The following RASEF variants were observed in gnomAD, a reference collection of about 807,000 sequenced individuals.
RASEF encodes the protein RAS and EF-hand domain containing.
In RASEF, 68 loss-of-function variants were observed where a neutral mutation model predicts 90.1. That is an observed-to-expected ratio of 0.75 (90% confidence interval 0.62 to 0.92). The LOEUF (loss-of-function observed/expected upper bound fraction) is 0.92, where lower values mean the gene tolerates loss of function less well. RASEF is among the 40% of genes least tolerant of loss of function. The pLI is 0.00. For missense variants in RASEF, 949 were observed against 937.2 expected, an observed-to-expected ratio of 1.01 and a Z score of -0.16; for synonymous variants, 331 against 345.2, an observed-to-expected ratio of 0.96 and a Z score of 0.46.
At chr9:83,005,565 A>T in intron 7 of RASEF, 65 bp from the exon 8 acceptor site, 1 of 1,194,876 alleles carries the variant, frequency 8.4e-7, no homozygotes, top group Non-Finnish European at 1.3e-6. Flanking sequence ...CACTGTCATC[A>T]CTTTCTTTTC....
chr9:83,167,725 T>C, the RASEF span, among the ~76,000 whole-genome samples: 3 of 152,154 alleles, frequency 2.0e-5, no homozygotes, highest in African/African-American at 4.8e-5. Flanking sequence ...TTTCTGTCTA[T>C]ACAAATTTGC....
the RASEF span, among the ~76,000 whole-genome samples, chr9:83,132,195 A>G: frequency 6.6e-6 from 1 of 152,182 alleles, no homozygotes; most frequent in Non-Finnish European, 1.5e-5. Context: ...CATAAGAGTC[A>G]TGGCATCTTC....
the RASEF span, among the ~76,000 whole-genome samples, chr9:83,157,485 A>G: frequency 6.6e-6 from 1 of 152,118 alleles, no homozygotes; most frequent in Non-Finnish European, 1.5e-5. Context: ...GCCCTTTGTC[A>G]TGTTATAACA....
intron 1 of RASEF, 84 bp downstream of exon 1, chr9:83,062,353 T>C (rs1051135590): frequency 2.3e-5 from 30 of 1,328,118 alleles, no homozygotes; most frequent in East Asian, 1.5e-4. Context: ...GGGGGGGCCA[T>C]TGGGTCTGCA....
intron 1 of RASEF, among the ~76,000 whole-genome samples, chr9:83,031,639 T>C (rs577301275): frequency 3.3e-5 from 5 of 152,262 alleles, no homozygotes; most frequent in Admixed American, 2.0e-4. Context: ...GGGTCTTAAG[T>C]ACATACCTCC....
the RASEF span, among the ~76,000 whole-genome samples, chr9:83,093,451 C>A: frequency 2.0e-5 from 3 of 152,370 alleles, no homozygotes; most frequent in Middle Eastern, 3.4e-3. Flanking sequence ...CGCGGGAAGG[C>A]AGCTAAGGCC....
At chr9:83,162,867 C>G in the RASEF span, among the ~76,000 whole-genome samples, 3 of 152,206 alleles carry the variant, frequency 2.0e-5, no homozygotes, top group Non-Finnish European at 4.4e-5. Flanking sequence ...GGGACCCAGT[C>G]AAAGGGGAGC....
chr9:83,159,227 A>G, the RASEF span, among the ~76,000 whole-genome samples: 20 of 152,008 alleles, frequency 1.3e-4, no homozygotes, highest in African/African-American at 4.8e-4. Context: ...AAGGCAGAAT[A>G]TACTTGCTCT....
At chr9:83,202,697 C>T in the RASEF span, among the ~76,000 whole-genome samples, 1 of 152,016 alleles carries the variant, frequency 6.6e-6, no homozygotes, top group Admixed American at 6.6e-5. Context: ...GGGGTCTTGC[C>T]ATGTTGGCCA....
chr9:83,160,830 G>A, the RASEF span, among the ~76,000 whole-genome samples: 1 of 152,194 alleles, frequency 6.6e-6, no homozygotes, highest in South Asian at 2.1e-4. Flanking sequence ...GGTGCCCTGT[G>A]TCCCAGCTGC....
At chr9:83,008,891 CATATATATATATAT>C (rs56810511) in intron 6 of RASEF, among the ~76,000 whole-genome samples, 113 of 19,564 alleles carry the variant, frequency 5.8e-3, no homozygotes, top group Middle Eastern at 0.05. Context: ...AAGTTCTCAT[CATATATATATATAT>C]ATATATATAT....
chr9:83,182,444 C>T, the RASEF span, among the ~76,000 whole-genome samples: 2 of 152,154 alleles, frequency 1.3e-5, no homozygotes, highest in African/African-American at 4.8e-5. Flanking sequence ...TTGGTAGTTT[C>T]CCACACACAT....
the RASEF span, among the ~76,000 whole-genome samples, chr9:83,120,180 G>C: frequency 6.6e-6 from 1 of 152,196 alleles, no homozygotes; most frequent in South Asian, 2.1e-4. Flanking sequence ...CAGTCAGAGA[G>C]GAAGATGGAA....
chr9:83,174,987 C>T, the RASEF span, among the ~76,000 whole-genome samples: 3 of 151,948 alleles, frequency 2.0e-5, no homozygotes, highest in East Asian at 5.8e-4. Flanking sequence ...CCTTGGAAAA[C>T]TCATTTATTA....
the RASEF span, among the ~76,000 whole-genome samples, chr9:83,166,124 G>A: frequency 1.3e-5 from 2 of 152,176 alleles, no homozygotes; most frequent in African/African-American, 4.8e-5. Flanking sequence ...TGTTTCAGAA[G>A]ATAGAAGCAG....
At chr9:83,057,908 C>A (rs1219690318) in intron 1 of RASEF, among the ~76,000 whole-genome samples, 4 of 147,690 alleles carry the variant, frequency 2.7e-5, no homozygotes, top group African/African-American at 9.9e-5. Context: ...CCCAAAGCAC[C>A]AAGATGCTCA....
At chr9:83,103,228 C>T in the RASEF span, among the ~76,000 whole-genome samples, 1 of 152,096 alleles carries the variant, frequency 6.6e-6, no homozygotes, top group South Asian at 2.1e-4. Context: ...TTCAGTAGTC[C>T]CTGAGAATAT....
the RASEF span, among the ~76,000 whole-genome samples, chr9:83,194,985 A>G: frequency 6.6e-6 from 1 of 152,168 alleles, no homozygotes; most frequent in Admixed American, 6.5e-5. Flanking sequence ...TCTTTATCAG[A>G]GAATAGTATT....
chr9:83,213,801 T>C, the RASEF span, among the ~76,000 whole-genome samples: 2 of 152,244 alleles, frequency 1.3e-5, no homozygotes, highest in African/African-American at 2.4e-5. Flanking sequence ...AGAATCAATC[T>C]AATTTGATCT....
Sources: allele counts gnomAD v4.1 joint callset (sites outside exome capture counted in the v4.1 genomes callset), GRCh38; gene constraint gnomAD v4.1.1; transcripts MANE v1.5; gene names NCBI Gene and HGNC (gene_info 2026-07-23, HGNC 2026-07-21).